The following HSPG2 variants were observed in gnomAD, a reference collection of about 807,000 sequenced individuals.
HSPG2 encodes the protein basement membrane-specific heparan sulfate proteoglycan core protein.
HSPG2 carries 278 observed loss-of-function variants against 526.6 expected under a neutral mutation model. The observed-to-expected ratio is 0.53, with a 90% CI of 0.48 to 0.58. The LOEUF is 0.58. Ranked by LOEUF, HSPG2 falls within the 20% of genes least tolerant of loss-of-function variation. The pLI is 0.00. For missense variants in HSPG2, 5,354 were observed against 6,099.5 expected, an observed-to-expected ratio of 0.88 and a Z score of 4.07; for synonymous variants, 2,465 against 2,555.4, an observed-to-expected ratio of 0.96 and a Z score of 1.07.
Position 21,842,902 on chromosome 1 carries a change from G to A in HSPG2, c.8778C>T (p.Pro2926=), listed in dbSNP as rs754638745. 84 of 1,614,020 alleles carry A rather than the reference G, an allele frequency of 5.2e-5. No individual in the cohort carries two copies. Among genetic ancestry groups the A allele is most frequent in the Non-Finnish European group, 6.9e-5 (81 of 1,180,024 alleles). ...GTGAAGAGGAGGCCTCGATGTAGAT[G>A]GGCTGGGCCAGTCCTGGAGCTGTGG... The part of the protein sequence containing the change: ...GPIPAPGLAQ[P]IYIEASSSHV... Residue 2926 remains proline (P), a synonymous_variant, in exon 67 of 97, where the codon CCC becomes CCT. Coordinates refer to ENST00000374695, the MANE Select transcript of HSPG2 (RefSeq NM_005529.7).
intron 71 of HSPG2, 23 bp downstream of exon 71, chr1:21,841,078 C>G: frequency 6.3e-7 from 1 of 1,577,462 alleles, no homozygotes; most frequent in Non-Finnish European, 8.6e-7. Context: ...GCCTCAGACC[C>G]AGAGAGGCAG....
At chr1:21,921,130 A>G (rs1644027429) in intron 1 of HSPG2, among the ~76,000 whole-genome samples, 1 of 152,222 alleles carries the variant, frequency 6.6e-6, no homozygotes, top group African/African-American at 2.4e-5. Context: ...GCCATTGCAA[A>G]GTAGGGATTA....
At position 21,880,652 on chromosome 1, in the gene HSPG2, C is replaced by A. The variant is rs761441629; in HGVS notation, c.1998+4G>T. ...CCAGCCCTAAGGGCTCAGGCGCCAC[C>A]CACCTCAGAGAACTGGACCTGGCGC... On this transcript the variant is annotated splice_donor_region_variant and intron_variant, in intron 15 of 96. Coordinates refer to ENST00000374695, the MANE Select transcript of HSPG2 (RefSeq NM_005529.7). 1 of 1,593,106 alleles carries A rather than the reference C, an allele frequency of 6.3e-7. No individual in the cohort carries two copies. The highest frequency in any genetic ancestry group is 8.5e-7 in the Non-Finnish European group (1 of 1,170,072).
At chr1:21,908,165 G>A (rs1643479573) in intron 1 of HSPG2, 2 of 831,892 alleles carry the variant, frequency 2.4e-6, no homozygotes, top group African/African-American at 3.3e-5. Context: ...AGAAAACATG[G>A]AGTTGTTCCT....
intron 30 of HSPG2, 78 bp downstream of exon 30, chr1:21,873,297 G>A: frequency 6.6e-7 from 1 of 1,511,798 alleles, no homozygotes; most frequent in East Asian, 2.2e-5. Flanking sequence ...AGCCAAAGGG[G>A]AGTAAAGGCT....
At chr1:21,881,887 G>A (rs985731559) in intron 13 of HSPG2, among the ~76,000 whole-genome samples, 6 of 142,724 alleles carry the variant, frequency 4.2e-5, no homozygotes, top group Non-Finnish European at 7.5e-5. Context: ...AGGCTGCAGC[G>A]AGCTGAGATC....
chr1:21,890,070 T>TGG lies in HSPG2; in HGVS notation c.484_485insCC (p.Gln162ProfsTer157). ...GGAGATGACCCTGAGCAGCATCTCC[T>TGG]GAATCTGAGCCCCATCCGCATTCCC... On this transcript the variant is annotated frameshift_variant, in exon 6 of 97. Coordinates refer to ENST00000374695, the MANE Select transcript of HSPG2 (RefSeq NM_005529.7). LOFTEE classifies it high-confidence loss of function. This position sits in a 1 kb window ranked among gnomAD's most constrained non-coding sequence, Gnocchi z 4.1. 1 of 1,613,878 alleles carries TGG rather than the reference T, an allele frequency of 6.2e-7. No homozygotes were observed. Among genetic ancestry groups the TGG allele is most frequent in the Non-Finnish European group, 8.5e-7 (1 of 1,179,792 alleles).
rs548874055 is a variant in HSPG2, at chr1:21,848,435, A to T, written c.7737+208T>A. Among the ~76,000 whole-genome samples the T allele has an allele frequency of 1.5e-4, 23 of 152,070 alleles. No homozygotes were observed. The highest frequency in any genetic ancestry group is 3.2e-4 in the Non-Finnish European group (22 of 67,994). Reference sequence around the variant, plus strand: ...AGGACATGGCCCGGAGCAGCTTTTCAGTGAGATTTGGTGCAGAAGTGGATC... The same window carrying T: ...AGGACATGGCCCGGAGCAGCTTTTCTGTGAGATTTGGTGCAGAAGTGGATC... On this transcript the variant is annotated intron_variant, in intron 59 of 96. Coordinates refer to ENST00000374695, the MANE Select transcript of HSPG2 (RefSeq NM_005529.7). This position sits in a 1 kb window ranked among gnomAD's most constrained non-coding sequence, Gnocchi z 4.9.
At position 21,887,310 on chromosome 1, in the gene HSPG2, T is replaced by C. The variant is rs751375092; in HGVS notation, c.983A>G (p.Asn328Ser). The change falls in exon 9 of 97, where the codon AAC (asparagine) becomes AGC (serine). Residue 328 changes from asparagine to serine, a missense_variant. Physicochemically the swap from Asn to Ser is conservative, Grantham distance 46 (BLOSUM62 1). Coordinates refer to ENST00000374695, the MANE Select transcript of HSPG2 (RefSeq NM_005529.7). The surrounding 1 kb of genome is among the most constrained non-coding windows in gnomAD (Gnocchi z 5.0). ...DCGPPPPCEPNEFPCGNGHCA... is the reference protein window; with the variant it reads ...DCGPPPPCEPSEFPCGNGHCA... Reference sequence around the variant, plus strand: ...ATGTCCATTCCCGCAGGGGAACTCGTTGGGCTCACAGGGTGGCGGGGGGCC... The same window carrying C: ...ATGTCCATTCCCGCAGGGGAACTCGCTGGGCTCACAGGGTGGCGGGGGGCC... 11 of 1,614,038 alleles carry C rather than the reference T, an allele frequency of 6.8e-6. No individual in the cohort carries two copies. In the East Asian group the frequency reaches 1.8e-4, roughly 26 times the overall value.
chr1:21,870,651 G>A (rs886439912), intron 33 of HSPG2, among the ~76,000 whole-genome samples: 2 of 152,230 alleles, frequency 1.3e-5, no homozygotes, highest in Admixed American at 1.3e-4. Context: ...CCACACAGCA[G>A]GTGAGGCAAG....
At position 21,824,940 on chromosome 1, in the gene HSPG2, C is replaced by T; in HGVS notation, c.12590-161G>A. 1.4e-6 allele frequency: 1 copy of T among 696,004 alleles called. No individual in the cohort carries two copies. Among genetic ancestry groups the T allele is most frequent in the Non-Finnish European group, 2.6e-6 (1 of 380,592 alleles). 43.1% of individuals were successfully genotyped at this position (696,004 alleles called of 1,614,324 possible). A position where few individuals can be genotyped will look rare whatever the true frequency, so the allele number is the denominator to read the frequency against. On this transcript the variant is annotated intron_variant, in intron 91 of 96. Transcript: ENST00000374695. This position sits in a 1 kb window ranked among gnomAD's most constrained non-coding sequence, Gnocchi z 5.9. ...GGGGCTGCCAACAGAATTCAGGGAG[C>T]CTATGACCTTGGATGGGAAAGCATT...
chr1:21,841,896 C>T (rs2098050040), intron 69 of HSPG2, 106 bp downstream of exon 69: 1 of 1,485,194 alleles, frequency 6.7e-7, no homozygotes, highest in Non-Finnish European at 9.3e-7. Flanking sequence ...AGGGCCACAC[C>T]ATGAATGTGG....
At chr1:21,841,072 C>G (rs1296649681) in intron 71 of HSPG2, 29 bp downstream of exon 71, 1 of 1,571,656 alleles carries the variant, frequency 6.4e-7, no homozygotes, top group African/African-American at 1.4e-5. Context: ...GACTGGGCCT[C>G]AGACCCAGAG....
In HSPG2 at chr1:21,828,480, G is replaced by A; in HGVS notation, c.12238-54C>T. ...AAGGGGCCTGGGAGGCAGAGACCCA[G>A]GTGTACCAGCAGGGAGAAGAATGCA... On this transcript the variant is annotated intron_variant, in intron 88 of 96. Transcript: ENST00000374695. The surrounding 1 kb of genome is among the most constrained non-coding windows in gnomAD (Gnocchi z 6.0). The A allele has an allele frequency of 6.3e-7, 1 of 1,576,690 alleles. No homozygotes were observed. Among genetic ancestry groups the A allele is most frequent in the Non-Finnish European group, 8.7e-7 (1 of 1,153,150 alleles).
intron 64 of HSPG2, among the ~76,000 whole-genome samples, chr1:21,844,718 G>A (rs1638287995): frequency 1.3e-5 from 2 of 152,202 alleles, no homozygotes; most frequent in Admixed American, 1.3e-4. Context: ...ACCTCTCTGA[G>A]TCTCAGTTTC....
chr1:21,855,936 T>C (rs780209174), intron 44 of HSPG2, 24 bp from the exon 45 acceptor site: 16 of 1,604,118 alleles, frequency 1.0e-5, no homozygotes, highest in African/African-American at 1.3e-5. Flanking sequence ...AAAAGGAACA[T>C]GCACTCAGGG....
chr1:21,833,696 C>T, intron 78 of HSPG2, 82 bp from the exon 79 acceptor site: 3 of 1,593,610 alleles, frequency 1.9e-6, no homozygotes, highest in South Asian at 2.2e-5. Context: ...TCAGGCCCAC[C>T]TTCCAACATT....
chr1:21,828,468 G>A lies in HSPG2; in HGVS notation c.12238-42C>T, dbSNP rs746652405. On this transcript the variant is annotated intron_variant, in intron 88 of 96. Transcript: ENST00000374695. This position sits in a 1 kb window ranked among gnomAD's most constrained non-coding sequence, Gnocchi z 6.0. ...ACCGAGGGACTAAAGGGGCCTGGGAGGCAGAGACCCAGGTGTACCAGCAGG... is the reference window on the plus strand; with the variant it reads ...ACCGAGGGACTAAAGGGGCCTGGGAAGCAGAGACCCAGGTGTACCAGCAGG... The A allele has an allele frequency of 2.5e-6, 4 of 1,598,808 alleles. No individual in the cohort carries two copies. Among genetic ancestry groups the A allele is most frequent in the South Asian group, 2.2e-5 (2 of 90,840 alleles).
At chr1:21,873,891 C>T (rs763774866) in intron 29 of HSPG2, 34 bp downstream of exon 29, 20 of 1,523,786 alleles carry the variant, frequency 1.3e-5, no homozygotes, top group Middle Eastern at 2.2e-4. Context: ...ACCCCCTGTG[C>T]GCATCCCCCC....
Sources: allele counts gnomAD v4.1 joint callset (sites outside exome capture counted in the v4.1 genomes callset), GRCh38; gene constraint gnomAD v4.1.1; non-coding constraint Gnocchi (gnomAD v3.1); transcripts MANE v1.5; gene names NCBI Gene and HGNC (gene_info 2026-07-23, HGNC 2026-07-21).